The following IQCH variants were observed in gnomAD, a reference collection of about 807,000 sequenced individuals.
IQCH encodes the protein IQ motif containing H.
Under a neutral mutation model 117.0 loss-of-function variants are expected in IQCH, and 98 were observed. The observed-to-expected ratio is 0.84, with a 90% CI of 0.71 to 0.99. The LOEUF is 0.99. IQCH is among the 50% of genes least tolerant of loss of function. The probability of loss-of-function intolerance (pLI) is 0.00; values close to 1 mark genes in which losing one functional copy is unlikely to be tolerated. For synonymous variants in IQCH, 412 were observed against 448.2 expected (o/e 0.92, Z 1.02); for missense variants, 1,102 against 1,243.8 (o/e 0.89, Z 1.72).
intron 4 of IQCH, chr15:67,281,906 G>T: frequency 2.6e-6 from 1 of 379,898 alleles, no homozygotes; most frequent in Non-Finnish European, 5.2e-6. Flanking sequence ...TCAGGCTCCT[G>T]TGAACTCCCA....
intron 4 of IQCH, among the ~76,000 whole-genome samples, chr15:67,331,182 G>A (rs538482913): frequency 1.3e-5 from 2 of 152,102 alleles, no homozygotes; most frequent in Non-Finnish European, 2.9e-5. Context: ...CACAGCTAAC[G>A]AAAGCAAGGG....
At chr15:67,255,286 G>A (rs1567039707) in intron 1 of IQCH, 1 of 346,430 alleles carries the variant, frequency 2.9e-6, no homozygotes, top group East Asian at 5.7e-5. Context: ...CCATGACGTC[G>A]GGAGTGGAGG....
chr15:67,354,077 T>C (rs1350815640), intron 6 of IQCH, among the ~76,000 whole-genome samples: 1 of 152,278 alleles, frequency 6.6e-6, no homozygotes, highest in East Asian at 1.9e-4. Context: ...CTTTTTATAC[T>C]ATTCCATAGG....
At chr15:67,294,773 G>A (rs1966842792) in intron 4 of IQCH, among the ~76,000 whole-genome samples, 1 of 152,206 alleles carries the variant, frequency 6.6e-6, no homozygotes, top group Non-Finnish European at 1.5e-5. Context: ...ATAGACCCCA[G>A]TAGGGTTTTC....
At position 67,465,025 on chromosome 15, in the gene IQCH, T is replaced by G; in HGVS notation, c.2506-102T>G. ...CTCCATTAAGACACATGGTCACTGG[T>G]TTCACTTAGTCTGATGTAGTTTGGT... On this transcript the variant is annotated intron_variant, in intron 16 of 20. Transcript: ENST00000335894. This position sits in a 1 kb window ranked among gnomAD's most constrained non-coding sequence, Gnocchi z 5.9. 1 of 1,040,228 alleles carries G rather than the reference T, an allele frequency of 9.6e-7. No homozygotes were observed. The highest frequency in any genetic ancestry group is 2.4e-5 in the East Asian group (1 of 41,592). 64.4% of individuals were successfully genotyped at this position (1,040,228 alleles called of 1,614,324 possible).
At chr15:67,267,975 G>C (rs570387001) in intron 3 of IQCH, among the ~76,000 whole-genome samples, 106 of 151,944 alleles carry the variant, frequency 7.0e-4, no homozygotes, top group African/African-American at 2.5e-3. Flanking sequence ...TTAAACTTAC[G>C]AGGTAAATGT....
At chr15:67,415,929 G>A (rs1222176330) in intron 14 of IQCH, among the ~76,000 whole-genome samples, 2 of 152,116 alleles carry the variant, frequency 1.3e-5, no homozygotes, top group Non-Finnish European at 2.9e-5. Context: ...CATGCATGGT[G>A]GTGTGTACAT....
chr15:67,361,167 G>T (rs1358232747), intron 8 of IQCH, among the ~76,000 whole-genome samples: 1 of 152,190 alleles, frequency 6.6e-6, no homozygotes, highest in Non-Finnish European at 1.5e-5. Context: ...CGGAGTTTGT[G>T]CTCTCTGCCT....
chr15:67,449,126 C>T (rs965521594), intron 16 of IQCH, among the ~76,000 whole-genome samples: 69 of 150,896 alleles, frequency 4.6e-4, no homozygotes, highest in African/African-American at 1.7e-3. Flanking sequence ...GGATATTAGC[C>T]CTTTGTCAGA....
At chr15:67,281,427 A>G (rs1401960613) in intron 4 of IQCH, among the ~76,000 whole-genome samples, 1 of 152,196 alleles carries the variant, frequency 6.6e-6, no homozygotes, top group Non-Finnish European at 1.5e-5. Context: ...TTACAGAAAT[A>G]ATGGGGGTCA....
At chr15:67,338,032 A>G (rs150619872) in intron 5 of IQCH, among the ~76,000 whole-genome samples, 46 of 152,314 alleles carry the variant, frequency 3.0e-4, no homozygotes, top group African/African-American at 1.0e-3. Context: ...TTGTTCAGCA[A>G]TCTTTGTGAC....
intron 3 of IQCH, among the ~76,000 whole-genome samples, chr15:67,272,811 C>T (rs11855736): frequency 0.45 from 68,823 of 151,964 alleles, 16,036 homozygotes; most frequent in Non-Finnish European, 0.52. Flanking sequence ...GTCTTTATAG[C>T]TGAGGTGGGT....
rs776289510 is a variant in IQCH at position 67,261,258 on chromosome 15, T to G, written c.52-14T>G. 2.7e-6 allele frequency: 4 copies of G among 1,495,118 alleles called. No homozygotes were observed. The East Asian group carries it at 9.5e-5, about 36-fold the overall frequency. 92.6% of individuals were successfully genotyped at this position (1,495,118 alleles called of 1,614,324 possible). A position where few individuals can be genotyped will look rare whatever the true frequency, so the allele number is the denominator to read the frequency against. On this transcript the variant is annotated splice_polypyrimidine_tract_variant and intron_variant, in intron 1 of 20. Coordinates refer to ENST00000335894, the MANE Select transcript of IQCH (RefSeq NM_001031715.3). ...GTGGATTATTTCAATATTTTTCATTTTTTATACCTATAGATCCATGAAGAC... is the reference window on the plus strand; with the variant it reads ...GTGGATTATTTCAATATTTTTCATTGTTTATACCTATAGATCCATGAAGAC...
At chr15:67,468,792 TAAGTTA>T (rs1392064293) in intron 17 of IQCH, among the ~76,000 whole-genome samples, 1 of 152,244 alleles carries the variant, frequency 6.6e-6, no homozygotes, top group African/African-American at 2.4e-5. Flanking sequence ...GCTCCTTTTT[TAAGTTA>T]ATGATTTGAG....
intron 15 of IQCH, among the ~76,000 whole-genome samples, chr15:67,418,552 C>CACA (rs1033560507): frequency 6.7e-6 from 1 of 148,324 alleles, no homozygotes; most frequent in African/African-American, 2.5e-5. Flanking sequence ...CACACACACA[C>CACA]AAGATCAATA....
chr15:67,254,968 G>GGCCCTGCCCT (rs755260706), intron 1 of IQCH, 21 bp downstream of exon 1: 1 of 1,608,976 alleles, frequency 6.2e-7, no homozygotes, highest in Non-Finnish European at 8.5e-7. Context: ...GGCTTCCCCC[G>GGCCCTGCCCT]GCCCTGCCCT....
At position 67,491,485 on chromosome 15, in the gene IQCH, G is replaced by C. The variant is rs895752934; in HGVS notation, c.2861+1421G>C. On this transcript the variant is annotated intron_variant, in intron 19 of 20. Transcript: ENST00000335894. This position sits in a 1 kb window ranked among gnomAD's most constrained non-coding sequence, Gnocchi z 4.9. ...GTCTCAGATGCTTCCCATCACCTGGGAAGGGAAGCTGGCTGTTTTGAGTCC... is the reference window on the plus strand; with the variant it reads ...GTCTCAGATGCTTCCCATCACCTGGCAAGGGAAGCTGGCTGTTTTGAGTCC... 6.6e-6 allele frequency among the ~76,000 whole-genome samples: 1 copy of C among 152,106 alleles called. No individual in the cohort carries two copies. The highest frequency in any genetic ancestry group is 6.5e-5 in the Admixed American group (1 of 15,278).
chr15:67,271,918 T>C (rs1427379857), intron 3 of IQCH, among the ~76,000 whole-genome samples: 1 of 152,176 alleles, frequency 6.6e-6, no homozygotes, highest in African/African-American at 2.4e-5. Context: ...ATTTCATTTA[T>C]TTCTGCTCTA....
chr15:67,388,801 A>T lies in IQCH; in HGVS notation c.1457-30A>T. On this transcript the variant is annotated intron_variant, in intron 11 of 20. Transcript: ENST00000335894. The surrounding 1 kb of genome is among the most constrained non-coding windows in gnomAD (Gnocchi z 5.5). ...TCATAATGTCATTTACCTTCACACC[A>T]GTAATTAACATTGTGCCTGTTGTTT... 1 of 1,569,480 alleles carries T rather than the reference A, an allele frequency of 6.4e-7. No individual in the cohort carries two copies. The highest frequency in any genetic ancestry group is 8.8e-7 in the Non-Finnish European group (1 of 1,140,430).
Sources: allele counts gnomAD v4.1 joint callset (sites outside exome capture counted in the v4.1 genomes callset), GRCh38; gene constraint gnomAD v4.1.1; non-coding constraint Gnocchi (gnomAD v3.1); transcripts MANE v1.5; gene names NCBI Gene and HGNC (gene_info 2026-07-23, HGNC 2026-07-21).